Variants in MAP4 observed in about 807,000 individuals in gnomAD.
The protein encoded by MAP4 is microtubule associated protein 4.
In MAP4, 76 loss-of-function variants were observed where a neutral mutation model predicts 170.2. The observed-to-expected ratio is 0.45, with a 90% CI of 0.37 to 0.54. MAP4 has a LOEUF of 0.54. Among genes scored for constraint, MAP4 ranks in the 20% least tolerant of loss-of-function variants. The pLI is 0.00. For missense variants in MAP4, 2,506 were observed against 2,748.0 expected, an observed-to-expected ratio of 0.91 and a Z score of 1.97; for synonymous variants, 909 against 994.5, an observed-to-expected ratio of 0.91 and a Z score of 1.62.
At chr3:47,881,211 A>C (rs1339397898) in intron 10 of MAP4, among the ~76,000 whole-genome samples, 2 of 151,690 alleles carry the variant, frequency 1.3e-5, no homozygotes, top group African/African-American at 4.8e-5. Context: ...GCACTTTGGG[A>C]GGCTGAGGCA....
chr3:47,872,182 T>C lies in MAP4; in HGVS notation c.5758-82A>G, dbSNP rs1576863317. On this transcript the variant is annotated intron_variant, in intron 12 of 20. Transcript: ENST00000683076. ...ACGCTACAAGATGCTTCTTTTTTTG[T>C]TTGTTTTGTTTTGTTTTTGGAGACG... 1.4e-5 allele frequency: 17 copies of C among 1,246,290 alleles called. No individual in the cohort carries two copies. In the East Asian group the frequency reaches 4.0e-4, roughly 30 times the overall value. The allele number at this position is 1,246,290 out of a possible 1,614,324, so 77.2% of individuals were successfully genotyped here. A position where few individuals can be genotyped will look rare whatever the true frequency, so the allele number is the denominator to read the frequency against.
At position 47,910,390 on chromosome 3, in the gene MAP4, T is replaced by C; in HGVS notation, c.4031A>G (p.Asn1344Ser). Residue 1344 changes from asparagine (N) to serine (S), a missense_variant, in exon 9 of 21, where the codon AAT (asparagine) becomes AGT (serine). Physicochemically the swap from Asn to Ser is conservative, Grantham distance 46. Transcript: ENST00000683076. ...GFVPSVVSEE[N>S]KTDAANRYTA... ...GTATCTATTGGCTGCATCTGTCTTATTCTCCTCAGATACTACTGAAGGAAC... is the reference window on the plus strand; with the variant it reads ...GTATCTATTGGCTGCATCTGTCTTACTCTCCTCAGATACTACTGAAGGAAC... The C allele has an allele frequency of 6.5e-7, 1 of 1,537,130 alleles. No homozygotes were observed. Among genetic ancestry groups the C allele is most frequent in the South Asian group, 1.2e-5 (1 of 84,072 alleles).
intron 1 of MAP4, among the ~76,000 whole-genome samples, chr3:48,085,962 G>C (rs936219492): frequency 6.6e-6 from 1 of 152,198 alleles, no homozygotes; most frequent in African/African-American, 2.4e-5. Flanking sequence ...TGAGGCAGGA[G>C]AATCACTTGA....
intron 1 of MAP4, among the ~76,000 whole-genome samples, chr3:48,083,365 AT>A (rs1367668091): frequency 1.3e-5 from 2 of 152,184 alleles, no homozygotes; most frequent in Admixed American, 6.6e-5. Context: ...GAGGAAAGTT[AT>A]AAATAAAAAA....
intron 3 of MAP4, among the ~76,000 whole-genome samples, chr3:47,936,299 G>C (rs2100052767): frequency 6.6e-6 from 1 of 151,984 alleles, no homozygotes; most frequent in Non-Finnish European, 1.5e-5. Context: ...GCCGGGTGTG[G>C]TGGTAGGCAC....
intron 1 of MAP4, among the ~76,000 whole-genome samples, chr3:48,026,458 T>G (rs1179785917): frequency 6.6e-6 from 1 of 152,226 alleles, no homozygotes; most frequent in Non-Finnish European, 1.5e-5. Context: ...ATCAAGATGC[T>G]TTATTCTGAA....
At chr3:47,863,937 T>TGTGG (rs374208589) in intron 17 of MAP4, among the ~76,000 whole-genome samples, 2 of 138,472 alleles carry the variant, frequency 1.4e-5, no homozygotes, top group African/African-American at 5.5e-5. Flanking sequence ...TGTGTGTGTG[T>TGTGG]GGGGAGTGGT....
chr3:47,936,454 G>A (rs554243180), intron 3 of MAP4, among the ~76,000 whole-genome samples: 1 of 151,540 alleles, frequency 6.6e-6, no homozygotes, highest in African/African-American at 2.4e-5. Context: ...AAGAAAAAAG[G>A]GGGAGGAGAA....
At chr3:47,872,233 G>C (rs1482833581) in intron 12 of MAP4, 133 bp from the exon 13 acceptor site, 2 of 772,904 alleles carry the variant, frequency 2.6e-6, no homozygotes, top group Non-Finnish European at 4.1e-6. Context: ...GCCCAGGCTG[G>C]AGTGCAGTGG....
intron 15 of MAP4, among the ~76,000 whole-genome samples, chr3:47,870,497 C>G (rs1223270418): frequency 1.3e-5 from 2 of 152,178 alleles, no homozygotes; most frequent in Non-Finnish European, 2.9e-5. Flanking sequence ...CTCTCACTTG[C>G]AGAGTCTCTG....
chr3:48,017,518 G>A (rs567184748), upstream of MAP4, among the ~76,000 whole-genome samples: 16 of 144,876 alleles, frequency 1.1e-4, no homozygotes, highest in Middle Eastern at 3.6e-3. Flanking sequence ...AAACTCTTAC[G>A]TGTAATATCA....
At chr3:47,993,030 TA>T (rs371308367) in intron 2 of MAP4, among the ~76,000 whole-genome samples, 208 of 152,310 alleles carry the variant, frequency 1.4e-3, no homozygotes, top group African/African-American at 4.7e-3. Context: ...TGAATTCTGC[TA>T]AAATTGAAGC....
intron 2 of MAP4, among the ~76,000 whole-genome samples, chr3:47,989,213 C>A (rs993460107): frequency 4.6e-5 from 7 of 152,096 alleles, no homozygotes; most frequent in African/African-American, 7.2e-5. Flanking sequence ...GAGTTTGAGA[C>A]CAACCTGGGC....
At chr3:47,864,104 A>C (rs960821745) in intron 17 of MAP4, among the ~76,000 whole-genome samples, 1 of 151,920 alleles carries the variant, frequency 6.6e-6, no homozygotes, top group Non-Finnish European at 1.5e-5. Flanking sequence ...CAGCCTCCTG[A>C]GAAGCTGGAA....
chr3:47,865,578 G>T (rs558773321), intron 17 of MAP4, among the ~76,000 whole-genome samples: 1 of 152,200 alleles, frequency 6.6e-6, no homozygotes, highest in Non-Finnish European at 1.5e-5. Context: ...ACTGCTGGGG[G>T]TATCTGTAGG....
chr3:47,961,405 C>T (rs2100071493), intron 3 of MAP4, among the ~76,000 whole-genome samples: 1 of 152,274 alleles, frequency 6.6e-6, no homozygotes, highest in African/African-American at 2.4e-5. Context: ...TGAGCATGTC[C>T]TCATTCCTCA....
At chr3:48,069,294 T>C (rs975953100) in intron 1 of MAP4, among the ~76,000 whole-genome samples, 3 of 152,188 alleles carry the variant, frequency 2.0e-5, no homozygotes, top group Admixed American at 6.6e-5. Context: ...CACTAGACAG[T>C]GTCTTACTAG....
intron 1 of MAP4, among the ~76,000 whole-genome samples, chr3:48,050,825 A>C (rs1186184696): frequency 1.3e-5 from 2 of 151,730 alleles, no homozygotes; most frequent in African/African-American, 4.8e-5. Flanking sequence ...GAATCGCTTG[A>C]ACCCAGGAGG....
intron 1 of MAP4, among the ~76,000 whole-genome samples, chr3:48,056,379 G>T (rs1295653214): frequency 1.7e-4 from 15 of 89,134 alleles, no homozygotes; most frequent in African/African-American, 6.3e-4. Context: ...ACCCCGTCCG[G>T]GAGGGAGATG....
Sources: gnomAD v4.1 joint callset for allele counts (sites outside exome capture counted in the v4.1 genomes callset) on GRCh38, gnomAD v4.1.1 for gene constraint, MANE v1.5 for transcripts, NCBI Gene and HGNC (gene_info 2026-07-23, HGNC 2026-07-21) for gene names.